HTR1F: variants seen among roughly 807,000 people sequenced by gnomAD.
HTR1F encodes the protein 5-hydroxytryptamine receptor 1F.
HTR1F carries 17 observed loss-of-function variants against 24.0 expected under a neutral mutation model. That is an observed-to-expected ratio of 0.71 (90% confidence interval 0.48 to 1.06). The LOEUF (loss-of-function observed/expected upper bound fraction) is 1.06. Among genes scored for constraint, HTR1F ranks in the 50% least tolerant of loss-of-function variants. The pLI is 0.00. For synonymous variants in HTR1F, 186 were observed against 156.8 expected, an observed-to-expected ratio of 1.19 and a Z score of -1.39; for missense variants, 391 against 427.8, an observed-to-expected ratio of 0.91 and a Z score of 0.76.
At chr3:87,875,844 A>G (rs1014480326) in intron 2 of HTR1F, among the ~76,000 whole-genome samples, 13 of 151,256 alleles carry the variant, frequency 8.6e-5, no homozygotes, top group African/African-American at 2.9e-4. Context: ...GAATGGCTTG[A>G]ACCCAGGAGG....
intron 2 of HTR1F, among the ~76,000 whole-genome samples, chr3:87,914,632 T>C (rs1208052257): frequency 6.6e-6 from 1 of 151,622 alleles, no homozygotes; most frequent in Non-Finnish European, 1.5e-5. Flanking sequence ...TCCTCCTAGG[T>C]ACACAATTCC....
intron 2 of HTR1F, among the ~76,000 whole-genome samples, chr3:87,857,901 C>T (rs549257606): frequency 8.4e-4 from 128 of 152,140 alleles, no homozygotes; most frequent in Non-Finnish European, 2.4e-4. Flanking sequence ...ATTCTGCCTA[C>T]GGCAAGATAT....
intron 2 of HTR1F, among the ~76,000 whole-genome samples, chr3:87,914,430 G>A (rs1177635654): frequency 6.6e-6 from 1 of 152,076 alleles, no homozygotes; most frequent in Non-Finnish European, 1.5e-5. Flanking sequence ...TTTCACAGCT[G>A]AGGTGGGTAT....
chr3:87,967,447 C>CA (rs71131532), intron 2 of HTR1F, among the ~76,000 whole-genome samples: 16,221 of 149,022 alleles, frequency 0.11, 1,053 homozygotes, highest in African/African-American at 0.18. Flanking sequence ...GAAACTGTCT[C>CA]AAAAAAAAAA....
intron 2 of HTR1F, among the ~76,000 whole-genome samples, chr3:87,969,534 C>T (rs781268878): frequency 8.5e-5 from 13 of 152,204 alleles, no homozygotes; most frequent in Non-Finnish European, 1.8e-4. Flanking sequence ...CAATTTCTCC[C>T]ATTTTGAATG....
At chr3:87,959,533 A>C (rs1290774922) in intron 2 of HTR1F, among the ~76,000 whole-genome samples, 1 of 151,956 alleles carries the variant, frequency 6.6e-6, no homozygotes, top group Non-Finnish European at 1.5e-5. Context: ...ACCAAAATTA[A>C]AGAATGGTTT....
chr3:87,888,157 A>C (rs1321781663), intron 2 of HTR1F, among the ~76,000 whole-genome samples: 1 of 152,206 alleles, frequency 6.6e-6, no homozygotes, highest in Non-Finnish European at 1.5e-5. Context: ...AGATGAGTTC[A>C]TGTCCTTTGC....
intron 2 of HTR1F, among the ~76,000 whole-genome samples, chr3:87,832,910 G>A (rs1220888279): frequency 1.3e-5 from 2 of 152,198 alleles, no homozygotes; most frequent in African/African-American, 4.8e-5. Context: ...GCCAAGTTTT[G>A]TTCCGTCTGT....
chr3:87,824,444 T>C (rs1704421912), intron 2 of HTR1F, among the ~76,000 whole-genome samples: 2 of 152,234 alleles, frequency 1.3e-5, no homozygotes, highest in South Asian at 4.1e-4. Context: ...CTCTTCATAG[T>C]GCATTATCCC....
intron 2 of HTR1F, among the ~76,000 whole-genome samples, chr3:87,826,179 T>C (rs1704458100): frequency 6.6e-6 from 1 of 152,170 alleles, no homozygotes; most frequent in Admixed American, 6.5e-5. Flanking sequence ...CTGCTATCAT[T>C]TGGGGACCAA....
intron 2 of HTR1F, among the ~76,000 whole-genome samples, chr3:87,897,080 A>G (rs1312021474): frequency 6.6e-6 from 1 of 152,064 alleles, no homozygotes; most frequent in Non-Finnish European, 1.5e-5. Context: ...AGGAAATAAA[A>G]TTATCACCTG....
rs769190304 is a variant in HTR1F at position 87,991,715 on chromosome 3, T to C, written c.966T>C (p.Cys322=). The C allele has an allele frequency of 1.9e-6, 3 of 1,613,942 alleles. No homozygotes were observed. The South Asian group carries it at 3.3e-5, about 18-fold the overall frequency. ...TAGTTGTTAATGTCTGTGACAAATG[T>C]AAAATTTCTGAAGAAATGTCCAATT... The part of the protein sequence containing the change: ...KELVVNVCDK[C]KISEEMSNFL... The change falls in exon 3 of 3, where the codon TGT becomes TGC. Residue 322 remains cysteine (C), a synonymous_variant. Coordinates refer to ENST00000319595, the MANE Select transcript of HTR1F (RefSeq NM_001322209.2).
intron 2 of HTR1F, among the ~76,000 whole-genome samples, chr3:87,961,419 T>G (rs1705057506): frequency 6.6e-6 from 1 of 152,074 alleles, no homozygotes; most frequent in South Asian, 2.1e-4. Flanking sequence ...ATTAGAGATT[T>G]AAAGTAGAAA....
chr3:87,964,717 T>C (rs140991856), intron 2 of HTR1F, among the ~76,000 whole-genome samples: 16 of 152,310 alleles, frequency 1.1e-4, no homozygotes, highest in East Asian at 3.9e-4. Context: ...TCTGGAAAGA[T>C]AGTAAGAGAT....
At chr3:87,823,884 C>A (rs1704409935) in intron 2 of HTR1F, among the ~76,000 whole-genome samples, 2 of 152,108 alleles carry the variant, frequency 1.3e-5, no homozygotes, top group South Asian at 2.1e-4. Flanking sequence ...CATGGTGAAA[C>A]CCTGTCTCTA....
chr3:87,865,000 G>C (rs1705395493), intron 2 of HTR1F, among the ~76,000 whole-genome samples: 1 of 151,782 alleles, frequency 6.6e-6, no homozygotes, highest in South Asian at 2.1e-4. Context: ...TCCAGCATCT[G>C]TCTGCTTTTT....
At chr3:87,831,524 G>T (rs1260633664) in intron 2 of HTR1F, among the ~76,000 whole-genome samples, 1 of 151,696 alleles carries the variant, frequency 6.6e-6, no homozygotes, top group Non-Finnish European at 1.5e-5. Context: ...CACCACGCCC[G>T]GCTAATTTTT....
intron 2 of HTR1F, among the ~76,000 whole-genome samples, chr3:87,937,083 C>CAAA (rs35169317): frequency 0.11 from 12,533 of 113,682 alleles, 884 homozygotes; most frequent in African/African-American, 0.17. Flanking sequence ...TGAAACTACC[C>CAAA]AAAAAAAAAA....
chr3:87,840,008 C>T (rs1422547623), intron 2 of HTR1F, among the ~76,000 whole-genome samples: 1 of 151,992 alleles, frequency 6.6e-6, no homozygotes. Context: ...AACCTACCAC[C>T]GATGGACAGA....
Sources: allele counts gnomAD v4.1 joint callset (sites outside exome capture counted in the v4.1 genomes callset), GRCh38; gene constraint gnomAD v4.1.1; transcripts MANE v1.5; gene names NCBI Gene and HGNC (gene_info 2026-07-23, HGNC 2026-07-21).